Variants in PHACTR1 observed in about 807,000 individuals in gnomAD.
The protein encoded by PHACTR1 is phosphatase and actin regulator 1.
PHACTR1 carries 16 observed loss-of-function variants against 69.2 expected under a neutral mutation model. That is an observed-to-expected ratio of 0.23 (90% CI 0.16 to 0.35). The LOEUF is 0.35. PHACTR1 is among the 10% of genes least tolerant of loss of function. The pLI, the probability that PHACTR1 is intolerant of heterozygous loss-of-function variation, is 1.00. For missense variants in PHACTR1, 510 were observed against 734.7 expected (o/e 0.69, Z 3.54); for synonymous variants, 312 against 284.5 (o/e 1.10, Z -0.97).
chr6:13,026,573 G>C (rs367694561), intron 4 of PHACTR1, among the ~76,000 whole-genome samples: 1 of 152,036 alleles, frequency 6.6e-6, no homozygotes, highest in Non-Finnish European at 1.5e-5. Context: ...GGAAGGAGAC[G>C]GATTTCTCTT....
intron 6 of PHACTR1, among the ~76,000 whole-genome samples, chr6:13,178,262 A>G (rs956293665): frequency 6.6e-6 from 1 of 152,204 alleles, no homozygotes; most frequent in African/African-American, 2.4e-5. Context: ...TGTCAGATTC[A>G]TATTCATGAT....
At chr6:13,221,261 T>C (rs1768569959) in intron 8 of PHACTR1, among the ~76,000 whole-genome samples, 1 of 152,086 alleles carries the variant, frequency 6.6e-6, no homozygotes, top group African/African-American at 2.4e-5. Flanking sequence ...TAAGGAATAA[T>C]AACAAATGAG....
intron 6 of PHACTR1, among the ~76,000 whole-genome samples, chr6:13,160,672 C>T (rs762917106): frequency 7.9e-5 from 12 of 152,184 alleles, no homozygotes; most frequent in South Asian, 6.2e-4. Context: ...AATCCATACT[C>T]ATCTAGGATT....
At chr6:12,880,172 A>G (rs1464282119) in intron 4 of PHACTR1, among the ~76,000 whole-genome samples, 1 of 152,070 alleles carries the variant, frequency 6.6e-6, no homozygotes, top group African/African-American at 2.4e-5. Flanking sequence ...ATGCCAATTC[A>G]GGGACAGATT....
At chr6:13,149,262 A>C (rs1017559774) in intron 5 of PHACTR1, among the ~76,000 whole-genome samples, 5 of 152,124 alleles carry the variant, frequency 3.3e-5, no homozygotes, top group Non-Finnish European at 5.9e-5. Context: ...TGTCCAACGA[A>C]CTGGGGAGGA....
intron 4 of PHACTR1, among the ~76,000 whole-genome samples, chr6:12,962,573 A>G (rs1461675520): frequency 1.3e-5 from 2 of 152,210 alleles, no homozygotes; most frequent in African/African-American, 2.4e-5. Context: ...CCAAGCTTCC[A>G]GAGAAGCTTG....
In PHACTR1 at chr6:13,230,071, C is replaced by T. The variant is rs1770578062; in HGVS notation, c.1269C>T (p.Ser423=). 6.2e-7 allele frequency: 1 copy of T among 1,611,194 alleles called. No homozygotes were observed. The highest frequency in any genetic ancestry group is 8.5e-7 in the Non-Finnish European group (1 of 1,178,890). Residue 423 remains serine (S), a synonymous_variant, in exon 10 of 15, where the codon TCC becomes TCT. Transcript: ENST00000332995. ...CCATGAAGGTCTGCAGGAAGGACTC[C>T]TTAGCCATCAAACTCAGCAACAGGC... ...SLAMKVCRKD[S]LAIKLSNRPS... is the part of the protein sequence containing the mutation.
chr6:12,822,636 G>T (rs995375677), intron 4 of PHACTR1, among the ~76,000 whole-genome samples: 2 of 152,160 alleles, frequency 1.3e-5, no homozygotes, highest in African/African-American at 4.8e-5. Flanking sequence ...ATCTAGCAAG[G>T]GTATGGCTGG....
chr6:13,122,865 A>T lies in PHACTR1; in HGVS notation c.416-37339A>T, dbSNP rs190698482. On this transcript the variant is annotated intron_variant, in intron 5 of 14. Coordinates refer to ENST00000332995, the MANE Select transcript of PHACTR1 (RefSeq NM_030948.6). ...GTCTTTAGTTCTTTTAAAGACAAACAAGGGTTACTACCTATGAGCTTGCAC... is the reference window on the plus strand; with the variant it reads ...GTCTTTAGTTCTTTTAAAGACAAACTAGGGTTACTACCTATGAGCTTGCAC... 5.3e-5 allele frequency among the ~76,000 whole-genome samples: 8 copies of T among 152,326 alleles called. No homozygotes were observed. The East Asian group carries it at 1.3e-3, about 26-fold the overall frequency.
At chr6:13,143,001 A>G (rs1822738395) in intron 5 of PHACTR1, among the ~76,000 whole-genome samples, 1 of 152,340 alleles carries the variant, frequency 6.6e-6, no homozygotes, top group East Asian at 1.9e-4. Flanking sequence ...TCTAGATAAT[A>G]TAAAAAGAGG....
rs1562036824 is a variant in PHACTR1 at position 13,231,079 on chromosome 6, GGAA to G, written c.1391+888_1391+890del. ...AGGAAGGAAGGAAGGAAGGAAGGAA[GGAA>G]GGAAGAAGGAAGGAAGGGAAAAGAA... On this transcript the variant is annotated intron_variant, in intron 10 of 14. Transcript: ENST00000332995. Among the ~76,000 whole-genome samples the G allele has an allele frequency of 5.2e-4, 9 of 17,376 alleles. 2 individuals carry two copies. Among genetic ancestry groups the G allele is most frequent in the African/African-American group, 1.2e-3 (5 of 4,118 alleles). 11.4% of individuals were successfully genotyped at this position (17,376 alleles called of 152,430 possible).
At chr6:13,088,585 T>A (rs535232282) in intron 5 of PHACTR1, among the ~76,000 whole-genome samples, 1 of 152,348 alleles carries the variant, frequency 6.6e-6, no homozygotes, top group East Asian at 1.9e-4. Context: ...AGGTTTTCTT[T>A]TTTAGATCTG....
At chr6:13,189,058 G>A (rs1763166311) in intron 7 of PHACTR1, among the ~76,000 whole-genome samples, 1 of 152,256 alleles carries the variant, frequency 6.6e-6, no homozygotes, top group Admixed American at 6.5e-5. Context: ...AACGCTGCAT[G>A]AATAACCTAT....
intron 4 of PHACTR1, among the ~76,000 whole-genome samples, chr6:12,910,169 G>A (rs1786223650): frequency 6.6e-6 from 1 of 152,174 alleles, no homozygotes; most frequent in Admixed American, 6.5e-5. Flanking sequence ...GAGTAGGCAG[G>A]TTTTCTGCTG....
At chr6:12,828,791 A>C (rs572729998) in intron 4 of PHACTR1, among the ~76,000 whole-genome samples, 2 of 152,284 alleles carry the variant, frequency 1.3e-5, no homozygotes, top group South Asian at 4.2e-4. Context: ...TTAGAAAGCA[A>C]TTTGTATGGT....
chr6:13,250,670 G>T (rs1318920262), intron 10 of PHACTR1, among the ~76,000 whole-genome samples: 1 of 152,218 alleles, frequency 6.6e-6, no homozygotes, highest in Non-Finnish European at 1.5e-5. Flanking sequence ...ATCAGCAGGT[G>T]TGAGAAGTAT....
intron 10 of PHACTR1, among the ~76,000 whole-genome samples, chr6:13,271,958 A>G (rs1426535753): frequency 6.6e-6 from 1 of 152,208 alleles, no homozygotes; most frequent in East Asian, 1.9e-4. Flanking sequence ...GAGTCTGAGA[A>G]GCCTAAAATT....
intron 3 of PHACTR1, among the ~76,000 whole-genome samples, chr6:12,720,622 A>G (rs896012895): frequency 2.6e-5 from 4 of 152,202 alleles, no homozygotes; most frequent in African/African-American, 9.7e-5. Flanking sequence ...TGTTCGTATT[A>G]GAGTAATCAG....
chr6:13,225,742 A>G (rs966625124), intron 8 of PHACTR1, among the ~76,000 whole-genome samples: 6 of 152,208 alleles, frequency 3.9e-5, no homozygotes, highest in Non-Finnish European at 8.8e-5. Flanking sequence ...GGCTGCCGTT[A>G]TCCCCAGCTC....
Sources: gnomAD v4.1 joint callset for allele counts (sites outside exome capture counted in the v4.1 genomes callset) on GRCh38, gnomAD v4.1.1 for gene constraint, MANE v1.5 for transcripts, NCBI Gene and HGNC (gene_info 2026-07-23, HGNC 2026-07-21) for gene names.